Variants in NOL4 observed in about 807,000 individuals in gnomAD.
The protein encoded by NOL4 is nucleolar protein 4.
NOL4 carries 17 observed loss-of-function variants against 75.9 expected under a neutral mutation model. That is an observed-to-expected ratio of 0.22 (90% CI 0.15 to 0.34). NOL4 has a LOEUF of 0.34. Ranked by LOEUF, NOL4 falls within the 10% of genes least tolerant of loss-of-function variation. The probability of loss-of-function intolerance (pLI) is 1.00; values close to 1 mark genes in which losing one functional copy is unlikely to be tolerated. For synonymous variants in NOL4, 292 were observed against 289.9 expected (o/e 1.01, Z -0.07); for missense variants, 614 against 793.5 (o/e 0.77, Z 2.72).
chr18:34,177,333 A>C (rs1032181054), intron 1 of NOL4, among the ~76,000 whole-genome samples: 1 of 151,932 alleles, frequency 6.6e-6, no homozygotes, highest in African/African-American at 2.4e-5. Context: ...AATTTTGGGG[A>C]GTAATGGATA....
intron 6 of NOL4, among the ~76,000 whole-genome samples, chr18:34,000,849 C>T (rs930939462): frequency 1.3e-5 from 2 of 152,006 alleles, no homozygotes; most frequent in Non-Finnish European, 2.9e-5. Flanking sequence ...TTTTTCTACT[C>T]AGAAGTACTG....
intron 10 of NOL4, among the ~76,000 whole-genome samples, chr18:33,882,540 A>G (rs1321473770): frequency 5.9e-5 from 9 of 151,498 alleles, no homozygotes; most frequent in Admixed American, 2.6e-4. Flanking sequence ...GGCAATCATT[A>G]AAAAGTCAGG....
intron 6 of NOL4, among the ~76,000 whole-genome samples, chr18:33,983,571 G>A (rs2072165563): frequency 6.6e-6 from 1 of 151,660 alleles, no homozygotes; most frequent in Non-Finnish European, 1.5e-5. Context: ...GTATGTGTAT[G>A]TATAAATATA....
At chr18:33,951,381 A>G (rs796602491) in intron 8 of NOL4, among the ~76,000 whole-genome samples, 25 of 152,144 alleles carry the variant, frequency 1.6e-4, no homozygotes, top group African/African-American at 5.8e-4. Flanking sequence ...ATAATGTGTT[A>G]TTTCTTTCTG....
chr18:33,994,730 C>T (rs943713454), intron 6 of NOL4, among the ~76,000 whole-genome samples: 3 of 151,184 alleles, frequency 2.0e-5, no homozygotes, highest in African/African-American at 7.3e-5. Flanking sequence ...CACCTTAACA[C>T]ACAGGAAAAC....
chr18:34,028,371 C>T (rs8092833), intron 5 of NOL4, among the ~76,000 whole-genome samples: 4,763 of 152,264 alleles, frequency 0.031, 194 homozygotes, highest in African/African-American at 0.098. Context: ...AGTGGTTATC[C>T]ATGCAACTAA....
At position 34,223,005 on chromosome 18, in the gene NOL4, C is replaced by G. The variant is rs757997727; in HGVS notation, c.249G>C (p.Val83=). 7.1e-5 allele frequency: 115 copies of G among 1,609,338 alleles called. No homozygotes were observed. The highest frequency in any genetic ancestry group is 9.3e-5 in the Non-Finnish European group (110 of 1,179,984). The part of the protein sequence containing the change: ...GGGGAKQVLY[V]PVKTTDGVGV... ...AGTCACTCACCGTGGTCTTGACAGG[C>G]ACGTAGAGCACTTGCTTGGCGCCGC... The change falls in exon 1 of 11, where the codon GTG becomes GTC. Residue 83 remains valine (V), a synonymous_variant. Coordinates refer to ENST00000261592, the MANE Select transcript of NOL4 (RefSeq NM_003787.5).
intron 5 of NOL4, among the ~76,000 whole-genome samples, chr18:34,066,701 A>AG (rs533386508): frequency 1.7e-3 from 252 of 151,576 alleles, no homozygotes; most frequent in African/African-American, 5.9e-3. Flanking sequence ...AAAAAAAAAA[A>AG]CAACACTGAA....
intron 6 of NOL4, among the ~76,000 whole-genome samples, chr18:33,964,304 A>C (rs1023697107): frequency 2.0e-5 from 3 of 152,150 alleles, no homozygotes; most frequent in Non-Finnish European, 2.9e-5. Context: ...ATTTCCTTTA[A>C]AAAATATCAG....
At chr18:33,884,246 C>T (rs893590128) in intron 9 of NOL4, among the ~76,000 whole-genome samples, 3 of 151,940 alleles carry the variant, frequency 2.0e-5, no homozygotes, top group African/African-American at 7.3e-5. Flanking sequence ...TCTCTGTTGT[C>T]TCTCTCTTCC....
intron 9 of NOL4, among the ~76,000 whole-genome samples, chr18:33,903,217 T>C (rs1183963667): frequency 2.0e-5 from 3 of 152,116 alleles, no homozygotes; most frequent in Admixed American, 2.0e-4. Context: ...AGGCACGTCT[T>C]ACATGGTAGC....
At chr18:34,038,384 A>G (rs1329335050) in intron 5 of NOL4, among the ~76,000 whole-genome samples, 2 of 152,124 alleles carry the variant, frequency 1.3e-5, no homozygotes, top group Admixed American at 6.6e-5. Flanking sequence ...CAATCCTACT[A>G]CTGGATATCC....
intron 10 of NOL4, among the ~76,000 whole-genome samples, chr18:33,881,730 C>G (rs531970202): frequency 6.6e-6 from 1 of 151,968 alleles, no homozygotes; most frequent in Admixed American, 6.6e-5. Flanking sequence ...GAACCAAAAA[C>G]GAGCCCGCAT....
chr18:34,154,685 A>G (rs977884163), intron 1 of NOL4, among the ~76,000 whole-genome samples: 19 of 151,948 alleles, frequency 1.3e-4, no homozygotes, highest in Admixed American at 1.1e-3. Flanking sequence ...CATGTCATAT[A>G]CTATTGCTAT....
intron 5 of NOL4, among the ~76,000 whole-genome samples, chr18:34,059,012 A>C (rs2076946824): frequency 6.6e-6 from 1 of 151,334 alleles, no homozygotes. Flanking sequence ...GTAAAATGCA[A>C]ATCTTATTCT....
intron 5 of NOL4, among the ~76,000 whole-genome samples, chr18:34,049,443 A>G (rs962866358): frequency 1.6e-4 from 24 of 152,028 alleles, no homozygotes; most frequent in Non-Finnish European, 8.8e-5. Flanking sequence ...GTATACTGTA[A>G]TAGTTCTGAC....
intron 9 of NOL4, among the ~76,000 whole-genome samples, chr18:33,938,569 T>C (rs1013393062): frequency 6.6e-6 from 1 of 152,174 alleles, no homozygotes; most frequent in Non-Finnish European, 1.5e-5. Flanking sequence ...CTTGGCCGCA[T>C]AAATGTCTTC....
chr18:33,855,115 A>C (rs936200008), intron 10 of NOL4, among the ~76,000 whole-genome samples: 1 of 152,014 alleles, frequency 6.6e-6, no homozygotes, highest in Non-Finnish European at 1.5e-5. Flanking sequence ...AGAGTGCATA[A>C]ACCAAAACCA....
chr18:33,892,248 G>A (rs1244394033), intron 9 of NOL4, among the ~76,000 whole-genome samples: 1 of 151,890 alleles, frequency 6.6e-6, no homozygotes, highest in African/African-American at 2.4e-5. Context: ...GGGCAACAAA[G>A]CAAGACCCTG....
Sources: allele counts gnomAD v4.1 joint callset (sites outside exome capture counted in the v4.1 genomes callset), GRCh38; gene constraint gnomAD v4.1.1; transcripts MANE v1.5; gene names NCBI Gene and HGNC (gene_info 2026-07-23, HGNC 2026-07-21).